Variants in GALNT18 observed in about 807,000 individuals in gnomAD.
The protein encoded by GALNT18 is GalNAc-transferase 18.
Under a neutral mutation model 69.5 loss-of-function variants are expected in GALNT18, and 44 were observed. That is an observed-to-expected ratio of 0.63 (90% CI 0.50 to 0.81). The LOEUF is 0.81. Ranked by LOEUF, GALNT18 falls within the 40% of genes least tolerant of loss-of-function variation. The pLI, the probability that GALNT18 is intolerant of heterozygous loss-of-function variation, is 0.00. For missense variants in GALNT18, 715 were observed against 810.0 expected (o/e 0.88, Z 1.42); for synonymous variants, 364 against 318.2 (o/e 1.14, Z -1.53).
chr11:11,398,196 T>C (rs1854378823), intron 3 of GALNT18, among the ~76,000 whole-genome samples: 1 of 152,202 alleles, frequency 6.6e-6, no homozygotes, highest in African/African-American at 2.4e-5. Context: ...TTGATTCAAA[T>C]CTGTATATGT....
intron 10 of GALNT18, among the ~76,000 whole-genome samples, chr11:11,289,065 C>CAAAG (rs1314388383): frequency 6.6e-6 from 1 of 152,026 alleles, no homozygotes; most frequent in Non-Finnish European, 1.5e-5. Context: ...ATGCAATTTG[C>CAAAG]AAAGATTAAA....
At chr11:11,446,436 C>T (rs923585789) in intron 2 of GALNT18, among the ~76,000 whole-genome samples, 4 of 152,176 alleles carry the variant, frequency 2.6e-5, no homozygotes, top group South Asian at 2.1e-4. Flanking sequence ...TGGCCAAGGT[C>T]ATGGCCAAGT....
chr11:11,279,439 C>G (rs559228449), intron 10 of GALNT18, among the ~76,000 whole-genome samples: 37 of 152,078 alleles, frequency 2.4e-4, no homozygotes, highest in Non-Finnish European at 4.6e-4. Context: ...CTATCAGAAA[C>G]GTTTATACCA....
intron 9 of GALNT18, among the ~76,000 whole-genome samples, chr11:11,325,962 T>C (rs1267042802): frequency 6.6e-6 from 1 of 152,142 alleles, no homozygotes. Context: ...TTCAGTTGTG[T>C]GTTTCGGTAG....
chr11:11,529,232 CTGGATATGCTTGAGGG>C (rs1183896105), intron 1 of GALNT18, among the ~76,000 whole-genome samples: 1 of 152,192 alleles, frequency 6.6e-6, no homozygotes, highest in African/African-American at 2.4e-5. Context: ...AAACATTATT[CTGGATATGCTTGAGGG>C]TGTTTTTGTA....
In GALNT18 at chr11:11,318,865, C is replaced by A. The variant is rs1197073402; in HGVS notation, c.1512+8221G>T. Among the ~76,000 whole-genome samples the A allele has an allele frequency of 2.0e-5, 3 of 152,324 alleles. No individual in the cohort carries two copies. Among genetic ancestry groups the A allele is most frequent in the African/African-American group, 7.2e-5 (3 of 41,560 alleles). On this transcript the variant is annotated intron_variant, in intron 9 of 10. Transcript: ENST00000227756. This position sits in a 1 kb window ranked among gnomAD's most constrained non-coding sequence, Gnocchi z 5.1. ...ATGTAATTTTCCAAGAGAATGTACT[C>A]ATGCTTGACTTTGCTATTTACCTTT...
chr11:11,396,014 G>T lies in GALNT18; in HGVS notation c.596-16750C>A, dbSNP rs557268232. Among the ~76,000 whole-genome samples the T allele has an allele frequency of 1.3e-5, 2 of 152,300 alleles. No individual in the cohort carries two copies. Among genetic ancestry groups the T allele is most frequent in the East Asian group, 3.9e-4 (2 of 5,178 alleles). ...GGAGAGGGAGGGGGGACACAGCCAG[G>T]TGGGAGAGGTGCCATTTTCCTGGGG... On this transcript the variant is annotated intron_variant, in intron 3 of 10. Transcript: ENST00000227756. The surrounding 1 kb of genome is among the most constrained non-coding windows in gnomAD (Gnocchi z 5.2).
At chr11:11,349,709 T>C (rs557509350) in intron 6 of GALNT18, among the ~76,000 whole-genome samples, 1 of 152,224 alleles carries the variant, frequency 6.6e-6, no homozygotes, top group African/African-American at 2.4e-5. Context: ...AGGCTTTAGT[T>C]CTGCGTTATC....
At chr11:11,393,294 C>A (rs1854238023) in intron 3 of GALNT18, among the ~76,000 whole-genome samples, 2 of 152,196 alleles carry the variant, frequency 1.3e-5, no homozygotes. Context: ...CCAGGTGGGC[C>A]ACTGTCCATG....
intron 3 of GALNT18, among the ~76,000 whole-genome samples, chr11:11,399,354 C>T (rs1360030835): frequency 1.3e-5 from 2 of 152,124 alleles, no homozygotes; most frequent in Non-Finnish European, 2.9e-5. Flanking sequence ...AAGTAAGGCC[C>T]TGAAAGCCAT....
rs1310117309 is a variant in GALNT18, at chr11:11,590,892, T to C, written c.235+30467A>G. On this transcript the variant is annotated intron_variant, in intron 1 of 10. Transcript: ENST00000227756. The surrounding 1 kb of genome is among the most constrained non-coding windows in gnomAD (Gnocchi z 4.4). Reference sequence around the variant, plus strand: ...TACAATTATGTACAGTACATAATCATTGATAATGATGATCAACAACTATGT... The same window carrying C: ...TACAATTATGTACAGTACATAATCACTGATAATGATGATCAACAACTATGT... Among the ~76,000 whole-genome samples, 1 of 151,872 alleles carries C rather than the reference T, an allele frequency of 6.6e-6. No individual in the cohort carries two copies. Among genetic ancestry groups the C allele is most frequent in the Non-Finnish European group, 1.5e-5 (1 of 68,002 alleles).
intron 9 of GALNT18, among the ~76,000 whole-genome samples, chr11:11,316,994 C>T (rs1386207456): frequency 6.6e-6 from 1 of 152,172 alleles, no homozygotes; most frequent in African/African-American, 2.4e-5. Flanking sequence ...GAATAAAGAC[C>T]TGGTGGGGAG....
rs1264630368 is a variant in GALNT18 at position 11,620,667 on chromosome 11, A to G, written c.235+692T>C. ...GGGCGGAGTCATCACCACAGTGGAC[A>G]GAGACTCCAGCGCTACTTCCCGGCG... On this transcript the variant is annotated intron_variant, in intron 1 of 10. Transcript: ENST00000227756. This position sits in a 1 kb window ranked among gnomAD's most constrained non-coding sequence, Gnocchi z 6.9. 6.6e-6 allele frequency among the ~76,000 whole-genome samples: 1 copy of G among 152,096 alleles called. No homozygotes were observed. Among genetic ancestry groups the G allele is most frequent in the Non-Finnish European group, 1.5e-5 (1 of 67,990 alleles).
intron 6 of GALNT18, among the ~76,000 whole-genome samples, chr11:11,355,199 G>A (rs1850505392): frequency 6.6e-6 from 1 of 152,208 alleles, no homozygotes; most frequent in South Asian, 2.1e-4. Context: ...TATTTACTGA[G>A]CACTTACTAT....
At chr11:11,449,148 G>C (rs1301892741) in intron 1 of GALNT18, among the ~76,000 whole-genome samples, 1 of 152,238 alleles carries the variant, frequency 6.6e-6, no homozygotes, top group Non-Finnish European at 1.5e-5. Context: ...AGGCACAGGA[G>C]TTAGAGAAAT....
At chr11:11,394,229 C>T (rs1270595650) in intron 3 of GALNT18, among the ~76,000 whole-genome samples, 4 of 151,970 alleles carry the variant, frequency 2.6e-5, no homozygotes, top group African/African-American at 9.7e-5. Flanking sequence ...AGGGGCTTTC[C>T]TAGGAGGATA....
rs970468705 is a variant in GALNT18, at chr11:11,540,190, A to G, written c.235+81169T>C. 1.3e-5 allele frequency among the ~76,000 whole-genome samples: 2 copies of G among 152,226 alleles called. No homozygotes were observed. The highest frequency in any genetic ancestry group is 2.1e-4 in the South Asian group (1 of 4,828). ...AAAACCTCTTCTCACCTCCAAGTCAACATTTTCAAAACAGAGATAGTCAGT... is the reference window on the plus strand; with the variant it reads ...AAAACCTCTTCTCACCTCCAAGTCAGCATTTTCAAAACAGAGATAGTCAGT... On this transcript the variant is annotated intron_variant, in intron 1 of 10. Coordinates refer to ENST00000227756, the MANE Select transcript of GALNT18 (RefSeq NM_198516.3). The surrounding 1 kb of genome is among the most constrained non-coding windows in gnomAD (Gnocchi z 4.6).
intron 6 of GALNT18, among the ~76,000 whole-genome samples, chr11:11,344,950 T>C (rs189296010): frequency 1.3e-3 from 196 of 152,338 alleles, no homozygotes; most frequent in African/African-American, 4.3e-3. Flanking sequence ...CTCAGGATAC[T>C]GGAAGCCCTC....
At chr11:11,572,735 C>T (rs927830417) in intron 1 of GALNT18, among the ~76,000 whole-genome samples, 5 of 152,194 alleles carry the variant, frequency 3.3e-5, no homozygotes, top group African/African-American at 9.7e-5. Flanking sequence ...CCCTCGCAAC[C>T]CTCGCCTTCC....
Sources: gnomAD v4.1 joint callset for allele counts (sites outside exome capture counted in the v4.1 genomes callset) on GRCh38, gnomAD v4.1.1 for gene constraint, Gnocchi (gnomAD v3.1) non-coding constraint, MANE v1.5 for transcripts, NCBI Gene and HGNC (gene_info 2026-07-23, HGNC 2026-07-21) for gene names.